DNM3: variants seen among roughly 807,000 people sequenced by gnomAD.
The protein encoded by DNM3 is dynamin-3.
In DNM3, 47 loss-of-function variants were observed where a neutral mutation model predicts 101.6. The ratio of observed to expected loss-of-function variants is 0.46; its 90% CI spans 0.37 to 0.59. The LOEUF (loss-of-function observed/expected upper bound fraction) is 0.59, where lower values mean the gene tolerates loss of function less well. Among genes scored for constraint, DNM3 ranks in the 20% least tolerant of loss-of-function variants. The pLI is 0.00. For synonymous variants in DNM3, 385 were observed against 387.9 expected, an observed-to-expected ratio of 0.99 and a Z score of 0.09; for missense variants, 849 against 1,085.7, an observed-to-expected ratio of 0.78 and a Z score of 3.06.
chr1:171,960,767 T>C (rs1033884820), intron 2 of DNM3, among the ~76,000 whole-genome samples: 1 of 152,068 alleles, frequency 6.6e-6, no homozygotes, highest in Non-Finnish European at 1.5e-5. Flanking sequence ...CCAGGCAGAG[T>C]TCATCGGTTT....
chr1:172,191,591 A>G (rs370009974), intron 14 of DNM3, among the ~76,000 whole-genome samples: 3 of 152,138 alleles, frequency 2.0e-5, no homozygotes, highest in African/African-American at 7.2e-5. Flanking sequence ...CATTGAATCT[A>G]TAAATTACCT....
chr1:172,348,772 T>TA (rs1177873725), intron 17 of DNM3, among the ~76,000 whole-genome samples: 4 of 152,088 alleles, frequency 2.6e-5, no homozygotes, highest in African/African-American at 4.8e-5. Context: ...TCTGGTGCTT[T>TA]AAAAAAAATC....
At chr1:172,314,535 C>A (rs563307301) in intron 16 of DNM3, among the ~76,000 whole-genome samples, 60 of 152,320 alleles carry the variant, frequency 3.9e-4, no homozygotes, top group African/African-American at 1.4e-3. Flanking sequence ...CTCCCACCCG[C>A]ATACTGTGCT....
intron 15 of DNM3, among the ~76,000 whole-genome samples, chr1:172,298,871 GAGAGAAAGACAGAGAA>G (rs2064293684): frequency 6.9e-6 from 1 of 144,676 alleles, no homozygotes; most frequent in Non-Finnish European, 1.5e-5. Flanking sequence ...GAGAGAGAGA[GAGAGAAAGACAGAGAA>G]AGAAAGAAAG....
chr1:172,398,309 A>G (rs2070185427), intron 20 of DNM3, among the ~76,000 whole-genome samples: 1 of 152,216 alleles, frequency 6.6e-6, no homozygotes, highest in Non-Finnish European at 1.5e-5. Context: ...AGTTACTTAT[A>G]TCAAACACTT....
At chr1:171,914,493 A>T (rs917514271) in intron 1 of DNM3, among the ~76,000 whole-genome samples, 1 of 152,212 alleles carries the variant, frequency 6.6e-6, no homozygotes, top group Admixed American at 6.5e-5. Flanking sequence ...AATTTTAAAA[A>T]TATATTGGTT....
chr1:172,101,390 C>T (rs927442226), intron 13 of DNM3, among the ~76,000 whole-genome samples: 1 of 152,048 alleles, frequency 6.6e-6, no homozygotes, highest in African/African-American at 2.4e-5. Flanking sequence ...AACATAGTGC[C>T]TTGGTTCTTC....
chr1:171,968,878 A>C (rs1331614389), intron 2 of DNM3, among the ~76,000 whole-genome samples: 1 of 152,216 alleles, frequency 6.6e-6, no homozygotes, highest in Non-Finnish European at 1.5e-5. Context: ...CAAGTACCAA[A>C]TGCAAAATTA....
chr1:171,952,933 C>A (rs951120729), intron 2 of DNM3, among the ~76,000 whole-genome samples: 2 of 152,152 alleles, frequency 1.3e-5, no homozygotes, highest in Admixed American at 1.3e-4. Context: ...ATGAATAAAA[C>A]ACTCTCCTTT....
In DNM3 at chr1:172,344,514, T is replaced by A. The variant is rs148919184; in HGVS notation, c.1893+21174T>A. ...TGGCCCTATAATTGCAATCTTCTAT[T>A]CTGAAGGAGAAATGTTGTTTTACAG... On this transcript the variant is annotated intron_variant, in intron 17 of 20. Transcript: ENST00000627582. Among the ~76,000 whole-genome samples the A allele has an allele frequency of 1.7e-4, 26 of 152,356 alleles. No individual in the cohort carries two copies. The East Asian group carries it at 4.8e-3, about 28-fold the overall frequency.
intron 4 of DNM3, among the ~76,000 whole-genome samples, chr1:171,989,429 C>T (rs2045492311): frequency 6.6e-6 from 1 of 151,928 alleles, no homozygotes; most frequent in African/African-American, 2.4e-5. Flanking sequence ...TTCTAAGCCT[C>T]ATGGGCTGCA....
Position 171,921,788 on chromosome 1 carries a change from C to A in DNM3, c.202C>A (p.Pro68Thr). ...PRGSGIVTRR[P>T]LVLQLVTSKA... Reference sequence around the variant, plus strand: ...AGGGTCGGGCATTGTAACAAGACGACCTCTTGTGCTGCAGCTTGTTACTTC... The same window carrying A: ...AGGGTCGGGCATTGTAACAAGACGAACTCTTGTGCTGCAGCTTGTTACTTC... Residue 68 changes from proline (P) to threonine (T), a missense_variant, in exon 2 of 21, where the codon CCT becomes ACT. By Grantham distance (38) the Pro-to-Thr change is conservative (BLOSUM62 -1). Around this residue, in one of 5 missense-constraint regions of DNM3, gnomAD observed 388 missense variants for 483.0 expected, o/e 0.80. Coordinates refer to ENST00000627582, the MANE Select transcript of DNM3 (RefSeq NM_015569.5). 6.2e-7 allele frequency: 1 copy of A among 1,602,776 alleles called. No individual in the cohort carries two copies. The highest frequency in any genetic ancestry group is 1.7e-4 in the Middle Eastern group (1 of 6,046).
intron 15 of DNM3, among the ~76,000 whole-genome samples, chr1:172,261,637 T>G (rs2062655774): frequency 6.6e-6 from 1 of 152,164 alleles, no homozygotes; most frequent in Admixed American, 6.5e-5. Flanking sequence ...CCCTGGGCAG[T>G]GGATGTGGCA....
At chr1:172,225,325 C>G (rs1014872410) in intron 14 of DNM3, among the ~76,000 whole-genome samples, 2 of 151,268 alleles carry the variant, frequency 1.3e-5, no homozygotes, top group Non-Finnish European at 3.0e-5. Flanking sequence ...TTAGTAGAGA[C>G]GGGGTTTAAC....
chr1:172,294,263 C>T (rs1305821826), intron 15 of DNM3, among the ~76,000 whole-genome samples: 2 of 152,052 alleles, frequency 1.3e-5, no homozygotes, highest in East Asian at 3.9e-4. Context: ...ATGACTCATT[C>T]TGCTTGTTTT....
intron 4 of DNM3, among the ~76,000 whole-genome samples, chr1:172,002,175 G>A (rs1438928807): frequency 6.6e-6 from 1 of 151,976 alleles, no homozygotes; most frequent in Non-Finnish European, 1.5e-5. Context: ...TGTAATAGAT[G>A]CTAATTAATT....
chr1:171,955,737 G>A (rs1051646604), intron 2 of DNM3, among the ~76,000 whole-genome samples: 2 of 152,094 alleles, frequency 1.3e-5, no homozygotes, highest in African/African-American at 4.8e-5. Context: ...AGCTAACTGG[G>A]CTGTATTAGT....
chr1:172,036,491 C>G (rs985285139), intron 6 of DNM3, among the ~76,000 whole-genome samples: 8 of 151,936 alleles, frequency 5.3e-5, no homozygotes, highest in African/African-American at 1.9e-4. Flanking sequence ...AATAACGCCG[C>G]ATATCTACAA....
At chr1:172,074,303 C>CATT (rs1056322210) in intron 11 of DNM3, among the ~76,000 whole-genome samples, 9 of 151,672 alleles carry the variant, frequency 5.9e-5, no homozygotes, top group African/African-American at 9.7e-5. Flanking sequence ...AAAGATCTGA[C>CATT]ATTATTATTA....
Sources: gnomAD v4.1 joint callset for allele counts (sites outside exome capture counted in the v4.1 genomes callset) on GRCh38, gnomAD v4.1.1 for gene constraint, gnomAD v4.1.1 regional missense constraint, MANE v1.5 for transcripts, NCBI Gene and HGNC (gene_info 2026-07-23, HGNC 2026-07-21) for gene names.